Variants in RAB3GAP1 observed in about 807,000 individuals in gnomAD.
RAB3GAP1 encodes RAB3 GTPase activating protein catalytic subunit 1, also known as rab3 GTPase-activating protein catalytic subunit.
Under a neutral mutation model 130.7 loss-of-function variants are expected in RAB3GAP1, and 86 were observed. The ratio of observed to expected loss-of-function variants is 0.66; its 90% confidence interval spans 0.55 to 0.79. RAB3GAP1 has a LOEUF of 0.79. RAB3GAP1 is among the 30% of genes least tolerant of loss of function. The pLI, the probability that RAB3GAP1 is intolerant of heterozygous loss-of-function variation, is 0.00. For missense variants in RAB3GAP1, 1,029 were observed against 1,169.4 expected (o/e 0.88, Z 1.75); for synonymous variants, 367 against 401.7 (o/e 0.91, Z 1.03).
chr2:135,148,491 C>CTTT (rs571757000), intron 17 of RAB3GAP1, among the ~76,000 whole-genome samples: 4 of 108,094 alleles, frequency 3.7e-5, no homozygotes, highest in Non-Finnish European at 7.4e-5. Flanking sequence ...GCTAGTAATT[C>CTTT]TTTTTTTTTT....
chr2:135,075,372 T>C (rs1200345831), intron 3 of RAB3GAP1, among the ~76,000 whole-genome samples: 5 of 152,190 alleles, frequency 3.3e-5, no homozygotes, highest in Non-Finnish European at 5.9e-5. Flanking sequence ...AGAACAACTT[T>C]TAACAGTTCC....
intron 3 of RAB3GAP1, chr2:135,089,824 C>G (rs1177955334): frequency 5.0e-6 from 2 of 399,780 alleles, no homozygotes; most frequent in Admixed American, 5.5e-5. Context: ...TCTCAGCACT[C>G]TTAACACGGG....
chr2:135,150,520 G>T lies in RAB3GAP1; in HGVS notation c.2061+14G>T. The T allele has an allele frequency of 6.2e-7, 1 of 1,613,754 alleles. No individual in the cohort carries two copies. The highest frequency in any genetic ancestry group is 2.2e-5 in the East Asian group (1 of 44,864). Reference sequence around the variant, plus strand: ...GAGTCTTTTAAGGTGGGTCACACTTGCAGAGCTCTGGGGTCTATTTTGAGC... The same window carrying T: ...GAGTCTTTTAAGGTGGGTCACACTTTCAGAGCTCTGGGGTCTATTTTGAGC... On this transcript the variant is annotated intron_variant, in intron 18 of 23. Transcript: ENST00000264158.
At chr2:135,064,118 T>A (rs1190633607) in intron 3 of RAB3GAP1, among the ~76,000 whole-genome samples, 2 of 152,102 alleles carry the variant, frequency 1.3e-5, no homozygotes, top group Non-Finnish European at 2.9e-5. Context: ...GCTTTTGAGA[T>A]TTTTTTATTT....
chr2:135,174,573 G>GC (rs984585740), downstream of RAB3GAP1, among the ~76,000 whole-genome samples: 1 of 152,048 alleles, frequency 6.6e-6, no homozygotes, highest in Admixed American at 6.5e-5. Flanking sequence ...CTCTTCCAAA[G>GC]CCCCCCCAGC....
chr2:135,117,507 TCTTCTGCTTCTTCTG>T (rs1574126145), intron 7 of RAB3GAP1, among the ~76,000 whole-genome samples: 3 of 137,388 alleles, frequency 2.2e-5, no homozygotes, highest in Non-Finnish European at 3.1e-5. Flanking sequence ...TTCTTCTTCT[TCTTCTGCTTCTTCTG>T]CTTCTTCTGC....
Position 135,145,399 on chromosome 2 carries a change from T to TACAC in RAB3GAP1, c.1924-4949_1924-4946dup, listed in dbSNP as rs10603690. Among the ~76,000 whole-genome samples the TACAC allele has an allele frequency of 3.1e-3, 463 of 147,108 alleles. 2 individuals are homozygous for TACAC. The highest frequency in any genetic ancestry group is 0.01 in the African/African-American group (419 of 40,012). The stretch of plus-strand genomic sequence containing the variant: ...CACCCCTCACCAACACACACACACA[T>TACAC]ACACACACACACACACACACACACT... On this transcript the variant is annotated intron_variant, in intron 17 of 23. Transcript: ENST00000264158.
chr2:135,150,032 A>ATAT (rs1692129376), intron 17 of RAB3GAP1, among the ~76,000 whole-genome samples: 1 of 152,166 alleles, frequency 6.6e-6, no homozygotes, highest in African/African-American at 2.4e-5. Flanking sequence ...TAGTGATGAC[A>ATAT]TATATAATAA....
At chr2:135,128,568 G>C (rs180999715) in intron 11 of RAB3GAP1, among the ~76,000 whole-genome samples, 7 of 152,244 alleles carry the variant, frequency 4.6e-5, no homozygotes, top group African/African-American at 1.7e-4. Context: ...TCTTGTTACT[G>C]TATGGTAATT....
rs1689638837 is a variant in RAB3GAP1 at position 135,076,480 on chromosome 2, TAG to T, written c.151-14516_151-14515del. ...GCATTCATTAGTGTTCATTAGATATTAGAATTTCCTTTTTGATGGCATGTTAG... is the reference window on the plus strand; with the variant it reads ...GCATTCATTAGTGTTCATTAGATATTAATTTCCTTTTTGATGGCATGTTAG... On this transcript the variant is annotated intron_variant, in intron 3 of 23. Transcript: ENST00000264158. Among the ~76,000 whole-genome samples, 3 of 152,216 alleles carry T rather than the reference TAG, an allele frequency of 2.0e-5. No individual in the cohort carries two copies. The South Asian group carries it at 6.2e-4, about 32-fold the overall frequency.
intron 13 of RAB3GAP1, among the ~76,000 whole-genome samples, chr2:135,131,990 A>G (rs534209319): frequency 1.3e-5 from 2 of 152,346 alleles, no homozygotes; most frequent in Non-Finnish European, 2.9e-5. Context: ...CTCTTAGCCA[A>G]CTTTTTAGCT....
intron 4 of RAB3GAP1, among the ~76,000 whole-genome samples, chr2:135,092,602 A>C (rs901856868): frequency 1.8e-4 from 28 of 152,014 alleles, no homozygotes; most frequent in Admixed American, 1.8e-3. Flanking sequence ...ATACCCAGTT[A>C]ATTTTTTGTA....
chr2:135,124,034 TCTAACTTG>T, intron 8 of RAB3GAP1, 123 bp from the exon 9 acceptor site: 1 of 811,148 alleles, frequency 1.2e-6, no homozygotes, highest in Non-Finnish European at 2.0e-6. Flanking sequence ...TGTAAGTTGG[TCTAACTTG>T]CTAACTTGCT....
At chr2:135,132,298 C>T (rs969593909) in intron 13 of RAB3GAP1, among the ~76,000 whole-genome samples, 3 of 152,138 alleles carry the variant, frequency 2.0e-5, no homozygotes, top group African/African-American at 7.2e-5. Flanking sequence ...TCATGTAGCT[C>T]AGTTGTCATG....
chr2:135,141,056 C>G (rs1342959794), intron 17 of RAB3GAP1, among the ~76,000 whole-genome samples: 1 of 151,748 alleles, frequency 6.6e-6, no homozygotes, highest in Non-Finnish European at 1.5e-5. Flanking sequence ...ATTTATTGCC[C>G]ATTTGTCTAT....
intron 5 of RAB3GAP1, 140 bp from the exon 6 acceptor site, chr2:135,113,011 T>C: frequency 9.0e-7 from 1 of 1,115,420 alleles, no homozygotes; most frequent in Non-Finnish European, 1.3e-6. Flanking sequence ...TTGTAGGTTC[T>C]GTTGCCATTA....
chr2:135,115,313 C>T lies in RAB3GAP1; in HGVS notation c.580C>T (p.His194Tyr). 6.2e-7 allele frequency: 1 copy of T among 1,613,640 alleles called. No individual in the cohort carries two copies. The highest frequency in any genetic ancestry group is 8.5e-7 in the Non-Finnish European group (1 of 1,179,638). The change falls in exon 7 of 24, where the codon CAT becomes TAT. Residue 194 changes from histidine (H) to tyrosine (Y), a missense_variant. This residue lies in a region of RAB3GAP1 where 510 missense variants were observed against 532.1 expected (regional missense o/e 0.96). Transcript: ENST00000264158. ...PGVRTDFEMVHLRKVPNQYTH... is the reference protein window; with the variant it reads ...PGVRTDFEMVYLRKVPNQYTH... ...TGTACGAACTGATTTCGAAATGGTTCATCTTAGAAAAGTGCCAAATCAGTA... is the reference window on the plus strand; with the variant it reads ...TGTACGAACTGATTTCGAAATGGTTTATCTTAGAAAAGTGCCAAATCAGTA...
intron 18 of RAB3GAP1, 149 bp from the exon 19 acceptor site, chr2:135,153,500 C>A: frequency 1.4e-6 from 1 of 697,266 alleles, no homozygotes; most frequent in Non-Finnish European, 2.5e-6. Context: ...TAACATCTGA[C>A]CTATTTTAAA....
intron 19 of RAB3GAP1, among the ~76,000 whole-genome samples, chr2:135,160,676 A>C (rs1692443255): frequency 1.1e-5 from 1 of 93,652 alleles, no homozygotes; most frequent in South Asian, 4.8e-4. Flanking sequence ...CCCTGTCTCA[A>C]AAAAAAAAAA....
Sources: allele counts gnomAD v4.1 joint callset (sites outside exome capture counted in the v4.1 genomes callset), GRCh38; gene constraint gnomAD v4.1.1; regional missense constraint gnomAD v4.1.1; transcripts MANE v1.5; gene names NCBI Gene and HGNC (gene_info 2026-07-23, HGNC 2026-07-21).